Variants in SMOX observed in about 807,000 individuals in gnomAD.
The protein encoded by SMOX is spermine oxidase.
In SMOX, 22 loss-of-function variants were observed where a neutral mutation model predicts 51.0. The ratio of observed to expected loss-of-function variants is 0.43; its 90% CI spans 0.31 to 0.62. SMOX has a LOEUF of 0.62. SMOX is among the 20% of genes least tolerant of loss of function. The pLI, the probability that SMOX is intolerant of heterozygous loss-of-function variation, is 0.10. For synonymous variants in SMOX, 282 were observed against 307.8 expected, an observed-to-expected ratio of 0.92 and a Z score of 0.88; for missense variants, 566 against 777.7, an observed-to-expected ratio of 0.73 and a Z score of 3.24.
chr20:4,160,410 C>A (rs1986251663), intron 1 of SMOX, among the ~76,000 whole-genome samples: 1 of 152,172 alleles, frequency 6.6e-6, no homozygotes, highest in Non-Finnish European at 1.5e-5. Flanking sequence ...GTAGGGGGGC[C>A]TGAGGTCGGA....
Position 4,182,629 on chromosome 20 carries a change from C to G in SMOX, c.1150C>G (p.Leu384Val), listed in dbSNP as rs1412116831. ...EPFWGPECNS[L>V]QFVWEDEAES... ...CTTCTGGGGCCCTGAGTGCAACAGC[C>G]TACAGTTTGTGTGGGAGGACGAAGC... The change falls in exon 5 of 7, where the codon CTA becomes GTA. Residue 384 changes from leucine (L) to valine (V), a missense_variant. Around this residue, in one of 3 missense-constraint regions of SMOX, gnomAD observed 347 missense variants for 481.8 expected, o/e 0.72. Transcript: ENST00000305958. The surrounding 1 kb of genome is among the most constrained non-coding windows in gnomAD (Gnocchi z 8.4). 8 of 1,614,106 alleles carry G rather than the reference C, an allele frequency of 5.0e-6. No homozygotes were observed. The highest frequency in any genetic ancestry group is 6.8e-6 in the Non-Finnish European group (8 of 1,180,008).
rs1211517499 is a variant in SMOX at position 4,172,038 on chromosome 20, T to C, written c.-26-2992T>C. 6.6e-6 allele frequency: 1 copy of C among 152,412 alleles called. No homozygotes were observed. The highest frequency in any genetic ancestry group is 2.4e-5 in the African/African-American group (1 of 41,444). 9.4% of individuals were successfully genotyped at this position (152,412 alleles called of 1,614,324 possible). A position where few individuals can be genotyped will look rare whatever the true frequency, so the allele number is the denominator to read the frequency against. ...GCTGGAGCTTATCTGGTCCCCTGGTTTTCAGAGGTGGTGCTCCAGGGAGCC... is the reference window on the plus strand; with the variant it reads ...GCTGGAGCTTATCTGGTCCCCTGGTCTTCAGAGGTGGTGCTCCAGGGAGCC... On this transcript the variant is annotated intron_variant, in intron 1 of 6. Transcript: ENST00000305958. The surrounding 1 kb of genome is among the most constrained non-coding windows in gnomAD (Gnocchi z 7.7).
At chr20:4,151,244 A>C (rs893513821) in intron 1 of SMOX, among the ~76,000 whole-genome samples, 1 of 151,574 alleles carries the variant, frequency 6.6e-6, no homozygotes, top group Non-Finnish European at 1.5e-5. Context: ...CTCTGACTCC[A>C]CTGTTAAGGC....
chr20:4,171,730 G>A (rs531210979), intron 1 of SMOX: 43 of 152,386 alleles, frequency 2.8e-4, no homozygotes, highest in African/African-American at 9.6e-4. Context: ...TGATCTTGGA[G>A]GCAGAGTGGC....
chr20:4,169,533 C>T (rs922063659), intron 1 of SMOX, among the ~76,000 whole-genome samples: 32 of 152,316 alleles, frequency 2.1e-4, no homozygotes, highest in African/African-American at 6.7e-4. Flanking sequence ...GGTTTGGCCG[C>T]GCTCACCTTG....
intron 6 of SMOX, among the ~76,000 whole-genome samples, chr20:4,186,145 AT>A (rs1350319123): frequency 4.0e-5 from 6 of 151,830 alleles, no homozygotes; most frequent in South Asian, 2.1e-4. Flanking sequence ...TCAACAAAAA[AT>A]TTAAAAAAAA....
At chr20:4,184,597 C>CGG (rs1568749376) in intron 6 of SMOX, among the ~76,000 whole-genome samples, 1 of 151,694 alleles carries the variant, frequency 6.6e-6, no homozygotes, top group African/African-American at 2.4e-5. Flanking sequence ...TAAAACTCAA[C>CGG]AGTTATATTT....
chr20:4,160,316 A>C (rs1269367776), intron 1 of SMOX, among the ~76,000 whole-genome samples: 1 of 152,202 alleles, frequency 6.6e-6, no homozygotes, highest in Non-Finnish European at 1.5e-5. Flanking sequence ...CAGTGTGTGC[A>C]TATCAGTATG....
Position 4,187,239 on chromosome 20 carries a change from C to G in SMOX, c.1531-31C>G. The G allele has an allele frequency of 6.3e-7, 1 of 1,597,418 alleles. No individual in the cohort carries two copies. Among genetic ancestry groups the G allele is most frequent in the Non-Finnish European group, 8.6e-7 (1 of 1,169,588 alleles). Reference sequence around the variant, plus strand: ...TGGCCTTCTGGCCTTTGCTGCTCCTCCACCCTGACCTCCCCATCCCCGCCC... The same window carrying G: ...TGGCCTTCTGGCCTTTGCTGCTCCTGCACCCTGACCTCCCCATCCCCGCCC... On this transcript the variant is annotated intron_variant, in intron 6 of 6. Transcript: ENST00000305958. This position sits in a 1 kb window ranked among gnomAD's most constrained non-coding sequence, Gnocchi z 4.8.
At chr20:4,156,017 G>A (rs1379867892) in intron 1 of SMOX, among the ~76,000 whole-genome samples, 3 of 152,144 alleles carry the variant, frequency 2.0e-5, no homozygotes, top group Non-Finnish European at 2.9e-5. Context: ...GCCGTCCTGC[G>A]GGATGGGAGG....
rs202206636 is a variant in SMOX, at chr20:4,181,847, C to T, written c.480C>T (p.Val160=). 5.3e-5 allele frequency: 85 copies of T among 1,614,080 alleles called. 2 individuals carry two copies. The highest frequency in any genetic ancestry group is 5.0e-4 in the Middle Eastern group (3 of 6,058). ...TQEFFRHDKP[V]NAESQNSVGV... ...AGTTCTTCCGGCACGATAAACCAGT[C>T]AATGCTGAAAGTCAAAATAGCGTGG... Residue 160 remains valine, a synonymous_variant, in exon 4 of 7, where the codon GTC becomes GTT. Coordinates refer to ENST00000305958, the MANE Select transcript of SMOX (RefSeq NM_175839.3). This position sits in a 1 kb window ranked among gnomAD's most constrained non-coding sequence, Gnocchi z 5.6.
intron 1 of SMOX, among the ~76,000 whole-genome samples, chr20:4,174,569 G>A (rs768986564): frequency 3.9e-5 from 6 of 152,146 alleles, no homozygotes; most frequent in Non-Finnish European, 7.4e-5. Flanking sequence ...AGCTGGTCCA[G>A]AATCAGCAGC....
intron 1 of SMOX, among the ~76,000 whole-genome samples, chr20:4,150,436 G>C (rs1985680968): frequency 6.6e-6 from 1 of 152,080 alleles, no homozygotes; most frequent in Non-Finnish European, 1.5e-5. Flanking sequence ...ATCCTCCCTT[G>C]GCTTCTGGTT....
chr20:4,186,826 C>T (rs753999790), intron 6 of SMOX: 29 of 780,494 alleles, frequency 3.7e-5, no homozygotes, highest in South Asian at 1.7e-4. Context: ...ACAGGGGCGC[C>T]GTAAAGGTTT....
At position 4,183,161 on chromosome 20, in the gene SMOX, C is replaced by G; in HGVS notation, c.1369+313C>G. 1.8e-6 allele frequency: 1 copy of G among 568,040 alleles called. No individual in the cohort carries two copies. The highest frequency in any genetic ancestry group is 2.1e-5 in the South Asian group (1 of 46,930). The allele number at this position is 568,040 out of a possible 1,614,324, so 35.2% of individuals were successfully genotyped here. A position where few individuals can be genotyped will look rare whatever the true frequency, so the allele number is the denominator to read the frequency against. On this transcript the variant is annotated intron_variant, in intron 5 of 6. Coordinates refer to ENST00000305958, the MANE Select transcript of SMOX (RefSeq NM_175839.3). The surrounding 1 kb of genome is among the most constrained non-coding windows in gnomAD (Gnocchi z 4.3). The stretch of plus-strand genomic sequence containing the variant: ...TGGATTTGCCTTTTACTCTCTGAGT[C>G]TTTCAGCTCAACATTTTTCACCCAC...
At chr20:4,180,771 C>T (rs1979261365) in intron 3 of SMOX, among the ~76,000 whole-genome samples, 1 of 152,188 alleles carries the variant, frequency 6.6e-6, no homozygotes, top group Non-Finnish European at 1.5e-5. Context: ...CTTTTCTTCT[C>T]CCTTTCCTCT....
At chr20:4,150,008 C>T (rs1487458206) in intron 1 of SMOX, among the ~76,000 whole-genome samples, 1 of 152,186 alleles carries the variant, frequency 6.6e-6, no homozygotes, top group Non-Finnish European at 1.5e-5. Context: ...CAATTCCTGC[C>T]GCTGGCCCTG....
chr20:4,166,900 T>C lies in SMOX; in HGVS notation c.-26-8130T>C, dbSNP rs1986593831. 6.6e-6 allele frequency among the ~76,000 whole-genome samples: 1 copy of C among 152,226 alleles called. No homozygotes were observed. The highest frequency in any genetic ancestry group is 2.1e-4 in the South Asian group (1 of 4,836). ...TTTAAAGTTGTGCTTTTAGGGACTTTATGATTTTAGGGAAGAAATGTGGGT... is the reference window on the plus strand; with the variant it reads ...TTTAAAGTTGTGCTTTTAGGGACTTCATGATTTTAGGGAAGAAATGTGGGT... On this transcript the variant is annotated intron_variant, in intron 1 of 6. Transcript: ENST00000305958. The surrounding 1 kb of genome is among the most constrained non-coding windows in gnomAD (Gnocchi z 4.2).
rs760312847 is a variant in SMOX at position 4,182,091 on chromosome 20, G to A, written c.612G>A (p.Val204=). The A allele has an allele frequency of 3.1e-6, 5 of 1,588,360 alleles. No homozygotes were observed. The highest frequency in any genetic ancestry group is 4.3e-6 in the Non-Finnish European group (5 of 1,164,594). ...CTTCTCCTTGGGTCTTCCCGCAGGTGGAGAGCTGTGAGAGCAGCTCACACA... is the reference window on the plus strand; with the variant it reads ...CTTCTCCTTGGGTCTTCCCGCAGGTAGAGAGCTGTGAGAGCAGCTCACACA... ...KLAMIQQYLK[V]ESCESSSHSM... Residue 204 remains valine (V), a splice_region_variant and synonymous_variant, in exon 5 of 7, where the codon GTG becomes GTA. Coordinates refer to ENST00000305958, the MANE Select transcript of SMOX (RefSeq NM_175839.3). This position sits in a 1 kb window ranked among gnomAD's most constrained non-coding sequence, Gnocchi z 8.4.
Sources: gnomAD v4.1 joint callset for allele counts (sites outside exome capture counted in the v4.1 genomes callset) on GRCh38, gnomAD v4.1.1 for gene constraint, gnomAD v4.1.1 regional missense constraint, Gnocchi (gnomAD v3.1) non-coding constraint, MANE v1.5 for transcripts, NCBI Gene and HGNC (gene_info 2026-07-23, HGNC 2026-07-21) for gene names.